The following LIMCH1 variants were observed in gnomAD, a reference collection of about 807,000 sequenced individuals.
LIMCH1 encodes the protein LIM and calponin homology domains-containing protein 1.
In LIMCH1, 113 loss-of-function variants were observed where a neutral mutation model predicts 176.5. The observed-to-expected ratio is 0.64, with a 90% CI of 0.55 to 0.75. The LOEUF is 0.75. Ranked by LOEUF, LIMCH1 falls within the 30% of genes least tolerant of loss-of-function variation. The pLI is 0.00. For synonymous variants in LIMCH1, 619 were observed against 645.9 expected (o/e 0.96, Z 0.63); for missense variants, 1,674 against 1,814.9 (o/e 0.92, Z 1.41).
intron 1 of LIMCH1, among the ~76,000 whole-genome samples, chr4:41,368,837 T>C (rs1018568809): frequency 5.9e-5 from 9 of 152,134 alleles, no homozygotes; most frequent in African/African-American, 2.2e-4. Context: ...TAAGAACTCT[T>C]CTAAGAAAAA....
intron 1 of LIMCH1, among the ~76,000 whole-genome samples, chr4:41,584,445 A>G (rs897544678): frequency 1.3e-5 from 2 of 152,218 alleles, no homozygotes; most frequent in African/African-American, 2.4e-5. Context: ...ACTGTGCTTT[A>G]TGAGCTGTGA....
At chr4:41,496,493 G>A (rs1201835166) in intron 2 of LIMCH1, among the ~76,000 whole-genome samples, 1 of 152,194 alleles carries the variant, frequency 6.6e-6, no homozygotes, top group East Asian at 1.9e-4. Context: ...TCAAGAGAAA[G>A]CTGGGTCAGG....
chr4:41,660,150 C>T (rs1024978859), intron 18 of LIMCH1, among the ~76,000 whole-genome samples: 1 of 152,054 alleles, frequency 6.6e-6, no homozygotes, highest in African/African-American at 2.4e-5. Flanking sequence ...ATACAGTTTA[C>T]ATTTCCTATC....
chr4:41,631,803 A>C (rs969609753), intron 10 of LIMCH1, among the ~76,000 whole-genome samples: 1 of 152,154 alleles, frequency 6.6e-6, no homozygotes, highest in Non-Finnish European at 1.5e-5. Context: ...TGTTTTAATG[A>C]TATCAGTAGG....
chr4:41,659,907 G>A (rs1455824886), intron 18 of LIMCH1, among the ~76,000 whole-genome samples: 1 of 152,002 alleles, frequency 6.6e-6, no homozygotes, highest in Non-Finnish European at 1.5e-5. Context: ...CCCAGTGAAA[G>A]ACAATGTAAA....
At chr4:41,591,777 G>A (rs886227883) in intron 1 of LIMCH1, among the ~76,000 whole-genome samples, 7 of 152,096 alleles carry the variant, frequency 4.6e-5, no homozygotes, top group African/African-American at 7.2e-5. Context: ...TTCTGTGAAC[G>A]CAAATCCATG....
chr4:41,576,347 G>T (rs1279414874), intron 1 of LIMCH1, among the ~76,000 whole-genome samples: 1 of 151,994 alleles, frequency 6.6e-6, no homozygotes, highest in African/African-American at 2.4e-5. Flanking sequence ...GCTTATGTCA[G>T]AAAAAATGAA....
chr4:41,687,781 T>G, intron 28 of LIMCH1, 59 bp from the exon 29 acceptor site: 1 of 1,059,832 alleles, frequency 9.4e-7, no homozygotes. Context: ...TGTCTTTTTT[T>G]AATGGAGTTT....
chr4:41,560,279 C>A (rs150359289), intron 1 of LIMCH1, among the ~76,000 whole-genome samples: 1 of 152,264 alleles, frequency 6.6e-6, no homozygotes, highest in East Asian at 1.9e-4. Context: ...TTCCTCCTGG[C>A]CTTTGTCAAA....
Position 41,685,883 on chromosome 4 carries a change from A to C in LIMCH1, c.4088+53A>C, listed in dbSNP as rs1012552356. The C allele has an allele frequency of 4.4e-6, 7 of 1,587,860 alleles. No homozygotes were observed. In the African/African-American group the frequency reaches 5.4e-5, roughly 12 times the overall value. ...GATTCCCTTTTTTAAAAATTCATTT[A>C]GTTAGAAGGGAGAAGAATGAAAAAT... On this transcript the variant is annotated intron_variant, in intron 28 of 31. Transcript: ENST00000503057.
At chr4:41,470,111 G>C (rs2066730487) in intron 1 of LIMCH1, among the ~76,000 whole-genome samples, 1 of 152,200 alleles carries the variant, frequency 6.6e-6, no homozygotes, top group African/African-American at 2.4e-5. Context: ...ACATCCAATG[G>C]GCACCCCTTA....
At chr4:41,601,316 A>G (rs1436438236) in intron 2 of LIMCH1, among the ~76,000 whole-genome samples, 2 of 152,188 alleles carry the variant, frequency 1.3e-5, no homozygotes, top group African/African-American at 4.8e-5. Flanking sequence ...AATAAAATGG[A>G]GTGATAAGCA....
intron 1 of LIMCH1, among the ~76,000 whole-genome samples, chr4:41,590,920 C>T (rs2087431978): frequency 6.6e-6 from 1 of 152,150 alleles, no homozygotes; most frequent in African/African-American, 2.4e-5. Flanking sequence ...ACAGGAAATC[C>T]CCAAATTCTA....
intron 1 of LIMCH1, among the ~76,000 whole-genome samples, chr4:41,363,283 G>C (rs988554230): frequency 1.1e-4 from 16 of 152,172 alleles, no homozygotes; most frequent in South Asian, 4.2e-4. Flanking sequence ...ATCCCCGGGT[G>C]GGGGGGCGGA....
intron 3 of LIMCH1, among the ~76,000 whole-genome samples, chr4:41,532,963 G>A (rs1474645525): frequency 6.6e-6 from 1 of 152,142 alleles, no homozygotes; most frequent in Non-Finnish European, 1.5e-5. Context: ...TGCATTCAAG[G>A]TGTTGGTCAG....
Position 41,667,984 on chromosome 4 carries a change from T to A in LIMCH1, c.3397+1318T>A, listed in dbSNP as rs557152604. 1.2e-4 allele frequency among the ~76,000 whole-genome samples: 18 copies of A among 147,528 alleles called. 1 individual carries two copies. The highest frequency in any genetic ancestry group is 4.0e-4 in the Admixed American group (6 of 14,934). The stretch of plus-strand genomic sequence containing the variant: ...TGTCGCTACCAAAAAAAAAAAAAAA[T>A]TTTAAATATAAACATTTTTTAAAAA... On this transcript the variant is annotated intron_variant, in intron 21 of 31. Transcript: ENST00000503057.
intron 2 of LIMCH1, among the ~76,000 whole-genome samples, chr4:41,504,754 G>A (rs1328945799): frequency 6.6e-6 from 1 of 151,920 alleles, no homozygotes; most frequent in Non-Finnish European, 1.5e-5. Flanking sequence ...TTCCATTTTT[G>A]TTACTATCTA....
intron 1 of LIMCH1, among the ~76,000 whole-genome samples, chr4:41,413,794 G>A (rs1017272141): frequency 3.3e-5 from 5 of 152,110 alleles, no homozygotes; most frequent in African/African-American, 1.2e-4. Flanking sequence ...ATAATGTAAA[G>A]CCGACCTCAA....
chr4:41,405,242 C>A (rs575835497), intron 1 of LIMCH1, among the ~76,000 whole-genome samples: 73 of 152,190 alleles, frequency 4.8e-4, no homozygotes, highest in African/African-American at 1.7e-3. Flanking sequence ...AAAACTATCC[C>A]AGTCTATTAG....
Sources: allele counts gnomAD v4.1 joint callset (sites outside exome capture counted in the v4.1 genomes callset), GRCh38; gene constraint gnomAD v4.1.1; transcripts MANE v1.5; gene names NCBI Gene and HGNC (gene_info 2026-07-23, HGNC 2026-07-21).